ZNF333: variants seen among roughly 807,000 people sequenced by gnomAD.
ZNF333 encodes the protein zinc finger protein 333.
In ZNF333, 61 loss-of-function variants were observed where a neutral mutation model predicts 76.1. That is an observed-to-expected ratio of 0.80 (90% CI 0.65 to 0.99). ZNF333 has a LOEUF of 0.99. Ranked by LOEUF, ZNF333 falls within the 50% of genes least tolerant of loss-of-function variation. ZNF333 has a pLI of 0.00. For synonymous variants in ZNF333, 284 were observed against 305.0 expected, an observed-to-expected ratio of 0.93 and a Z score of 0.72; for missense variants, 717 against 822.4, an observed-to-expected ratio of 0.87 and a Z score of 1.57.
chr19:14,724,008 A>T (rs1360883327), downstream of ZNF333, among the ~76,000 whole-genome samples: 1 of 152,216 alleles, frequency 6.6e-6, no homozygotes, highest in African/African-American at 2.4e-5. Flanking sequence ...GGCATTCTGC[A>T]GGTGGGCCCA....
Position 14,719,392 on chromosome 19 carries a change from A to C in ZNF333, c.*67A>C. 6.9e-7 allele frequency: 1 copy of C among 1,458,536 alleles called. No individual in the cohort carries two copies. The highest frequency in any genetic ancestry group is 9.2e-7 in the Non-Finnish European group (1 of 1,090,482). The allele number at this position is 1,458,536 out of a possible 1,614,324, so 90.3% of individuals were successfully genotyped here. A position where few individuals can be genotyped will look rare whatever the true frequency, so the allele number is the denominator to read the frequency against. ...TCCCTCGTAATACTCCTTTAGCTGC[A>C]TCCTGTGTTTCAATGTATAATATTT... is the stretch of plus-strand genomic sequence containing the variant. On this transcript the variant is annotated 3_prime_UTR_variant, in exon 12 of 12. Transcript: ENST00000292530.
chr19:14,715,503 T>A, intron 8 of ZNF333, 33 bp downstream of exon 8: 1 of 1,590,094 alleles, frequency 6.3e-7, no homozygotes, highest in Non-Finnish European at 8.6e-7. Context: ...AAAAGAACAC[T>A]GCTGTGCCCA....
downstream of ZNF333, among the ~76,000 whole-genome samples, chr19:14,726,721 G>C (rs1322414643): frequency 6.6e-6 from 1 of 152,118 alleles, no homozygotes; most frequent in Non-Finnish European, 1.5e-5. Flanking sequence ...CTTTGCCAGG[G>C]AATAACAAGG....
At chr19:14,728,005 G>A (rs978295068) in intron 11 of ZNF333, among the ~76,000 whole-genome samples, 2 of 152,150 alleles carry the variant, frequency 1.3e-5, no homozygotes, top group Admixed American at 6.5e-5. Flanking sequence ...GGTGGATCAC[G>A]AGGTCAGGAG....
chr19:14,718,158 A>G lies in ZNF333; in HGVS notation c.901-70A>G, dbSNP rs748767895. ...ATAGAACTGTCTTTTTCTTACATTCATTTCACATAGGGGAGAATATCTGTG... is the reference window on the plus strand; with the variant it reads ...ATAGAACTGTCTTTTTCTTACATTCGTTTCACATAGGGGAGAATATCTGTG... On this transcript the variant is annotated intron_variant, in intron 11 of 11. Coordinates refer to ENST00000292530, the MANE Select transcript of ZNF333 (RefSeq NM_032433.4). 1,060 of 1,527,104 alleles carry G rather than the reference A, an allele frequency of 6.9e-4. 17 individuals are homozygous for G. Among genetic ancestry groups the G allele is most frequent in the Admixed American group, 4.2e-4 (19 of 45,380 alleles). 94.6% of individuals were successfully genotyped at this position (1,527,104 alleles called of 1,614,324 possible). A position where few individuals can be genotyped will look rare whatever the true frequency, so the allele number is the denominator to read the frequency against.
In ZNF333 at chr19:14,718,522, T is replaced by C; in HGVS notation, c.1195T>C (p.Cys399Arg). 1.9e-6 allele frequency: 3 copies of C among 1,614,226 alleles called. No individual in the cohort carries two copies. Among genetic ancestry groups the C allele is most frequent in the Non-Finnish European group, 2.5e-6 (3 of 1,180,044 alleles). ...AGAGAAGTGCTTTGACTGTCAAGAA[T>C]GTGGGCAAGCCTTCAAATATTCCTC... ...TAEKCFDCQE[C>R]GQAFKYSSNL... The change falls in exon 12 of 12, where the codon TGT becomes CGT. Residue 399 changes from cysteine to arginine, a missense_variant. Physicochemically the swap from Cys to Arg is radical, Grantham distance 180. Transcript: ENST00000292530.
intron 7 of ZNF333, among the ~76,000 whole-genome samples, chr19:14,712,054 T>C (rs921565462): frequency 6.6e-6 from 1 of 151,978 alleles, no homozygotes; most frequent in Non-Finnish European, 1.5e-5. Flanking sequence ...GGAGAGGGGC[T>C]TGGGGGTGAG....
At chr19:14,694,890 T>G (rs1973059155) in intron 2 of ZNF333, 120 bp from the exon 3 acceptor site, 1 of 1,477,576 alleles carries the variant, frequency 6.8e-7, no homozygotes, top group East Asian at 2.3e-5. Flanking sequence ...AAAATAGGCT[T>G]TAGGCTGGAT....
chr19:14,727,837 G>C (rs1286667029), intron 11 of ZNF333, among the ~76,000 whole-genome samples: 3 of 152,096 alleles, frequency 2.0e-5, no homozygotes, highest in Non-Finnish European at 2.9e-5. Flanking sequence ...AAAATCAATG[G>C]CTTATGTATA....
intron 7 of ZNF333, 29 bp downstream of exon 7, chr19:14,706,802 C>A: frequency 1.3e-6 from 2 of 1,587,446 alleles, no homozygotes; most frequent in South Asian, 2.2e-5. Flanking sequence ...GAACACGTGG[C>A]CAGAGGGCCC....
At chr19:14,714,096 G>C (rs1356320094) in intron 7 of ZNF333, among the ~76,000 whole-genome samples, 1 of 152,150 alleles carries the variant, frequency 6.6e-6, no homozygotes, top group Non-Finnish European at 1.5e-5. Context: ...AAGTGGGAGG[G>C]GAGGAAGTGG....
In ZNF333 at chr19:14,720,423, G is replaced by A. The variant is rs146521710; in HGVS notation, c.*1098G>A. On this transcript the variant is annotated 3_prime_UTR_variant, in exon 12 of 12. Coordinates refer to ENST00000292530, the MANE Select transcript of ZNF333 (RefSeq NM_032433.4). ...CCCTCCTGTGACCATAAGGGTAAAA[G>A]CCGCAAGCTAAGAAGAGGGTGGCCG... is the stretch of plus-strand genomic sequence containing the variant. The A allele has an allele frequency of 1.9e-4, 186 of 985,394 alleles. No homozygotes were observed. The African/African-American group carries it at 2.9e-3, about 16-fold the overall frequency. The allele number at this position is 985,394 out of a possible 1,614,324, so 61.0% of individuals were successfully genotyped here. A position where few individuals can be genotyped will look rare whatever the true frequency, so the allele number is the denominator to read the frequency against.
chr19:14,715,344 C>T (rs1236815887), intron 7 of ZNF333, 38 bp from the exon 8 acceptor site: 2 of 1,591,524 alleles, frequency 1.3e-6, no homozygotes, highest in Non-Finnish European at 1.7e-6. Flanking sequence ...CCCAGTAGGC[C>T]AGGCACCAAC....
chr19:14,700,670 TTGAG>T (rs1379032337), intron 5 of ZNF333, among the ~76,000 whole-genome samples: 1 of 152,072 alleles, frequency 6.6e-6, no homozygotes. Flanking sequence ...CTTCCAAAGT[TTGAG>T]TTCCCATTCC....
intron 7 of ZNF333, among the ~76,000 whole-genome samples, chr19:14,711,807 C>T (rs949292494): frequency 2.0e-5 from 3 of 152,068 alleles, no homozygotes; most frequent in Non-Finnish European, 2.9e-5. Flanking sequence ...CTTATTCTTA[C>T]AAAGCTTCCA....
intron 11 of ZNF333, 147 bp downstream of exon 11, chr19:14,717,880 C>T (rs193050274): frequency 9.6e-5 from 72 of 747,984 alleles, no homozygotes; most frequent in African/African-American, 6.0e-4. Flanking sequence ...GGAGAGAGTC[C>T]GTGAATGTCA....
rs895868888 is a variant in ZNF333, at chr19:14,720,737, G to T, written c.*1412G>T. 1.0e-6 allele frequency: 1 copy of T among 985,076 alleles called. No homozygotes were observed. Among genetic ancestry groups the T allele is most frequent in the African/African-American group, 1.7e-5 (1 of 57,150 alleles). 61.0% of individuals were successfully genotyped at this position (985,076 alleles called of 1,614,324 possible). ...AATGTATTGTATTCTACAAATGTCT[G>T]CTAGATCAAGCAAATGTGTTTAAAA... On this transcript the variant is annotated 3_prime_UTR_variant, in exon 12 of 12. Transcript: ENST00000292530.
At chr19:14,705,264 G>C in intron 6 of ZNF333, 94 bp downstream of exon 6, 1 of 1,160,640 alleles carries the variant, frequency 8.6e-7, no homozygotes, top group Non-Finnish European at 1.2e-6. Context: ...GGGAGGGAAA[G>C]GAGGGTGTTT....
At chr19:14,708,076 C>T (rs548179302) in intron 7 of ZNF333, 42 of 393,142 alleles carry the variant, frequency 1.1e-4, no homozygotes, top group African/African-American at 4.1e-4. Context: ...GGCACGATCT[C>T]GGCTCACTGC....
Sources: allele counts gnomAD v4.1 joint callset (sites outside exome capture counted in the v4.1 genomes callset), GRCh38; gene constraint gnomAD v4.1.1; transcripts MANE v1.5; gene names NCBI Gene and HGNC (gene_info 2026-07-23, HGNC 2026-07-21).